Variants in PRKN observed in about 807,000 individuals in gnomAD.
The protein encoded by PRKN is E3 ubiquitin-protein ligase parkin.
Under a neutral mutation model 59.5 loss-of-function variants are expected in PRKN, and 56 were observed. That is an observed-to-expected ratio of 0.94 (90% confidence interval 0.76 to 1.18). PRKN has a LOEUF of 1.18. PRKN is among the 50% of genes most tolerant of loss of function. The probability of loss-of-function intolerance (pLI) is 0.00; values close to 1 mark genes in which losing one functional copy is unlikely to be tolerated. For missense variants in PRKN, 657 were observed against 596.4 expected (o/e 1.10, Z -1.06); for synonymous variants, 250 against 222.1 (o/e 1.13, Z -1.12).
intron 3 of PRKN, among the ~76,000 whole-genome samples, chr6:162,244,455 A>C (rs1779118047): frequency 6.6e-6 from 1 of 152,110 alleles, no homozygotes; most frequent in Non-Finnish European, 1.5e-5. Context: ...AAAATATATA[A>C]AAGGATTATA....
chr6:161,417,561 C>G lies in PRKN; in HGVS notation c.1084-30684G>C, dbSNP rs1787909049. Among the ~76,000 whole-genome samples the G allele has an allele frequency of 6.6e-6, 1 of 151,970 alleles. No individual in the cohort carries two copies. The highest frequency in any genetic ancestry group is 2.1e-4 in the South Asian group (1 of 4,818). ...TATAAATGTACCTTCTCCCATAACTCTGAGAATGGGGTTTGTGTCTTAGAA... is the reference window on the plus strand; with the variant it reads ...TATAAATGTACCTTCTCCCATAACTGTGAGAATGGGGTTTGTGTCTTAGAA... On this transcript the variant is annotated intron_variant, in intron 9 of 11. Transcript: ENST00000366898. The surrounding 1 kb of genome is among the most constrained non-coding windows in gnomAD (Gnocchi z 5.4).
chr6:162,390,931 A>C (rs1000760966), intron 2 of PRKN, among the ~76,000 whole-genome samples: 1 of 152,214 alleles, frequency 6.6e-6, no homozygotes. Context: ...AGTATAGATT[A>C]TTCTTAACGT....
chr6:161,694,820 T>C (rs997777060), intron 7 of PRKN, among the ~76,000 whole-genome samples: 1 of 152,090 alleles, frequency 6.6e-6, no homozygotes, highest in African/African-American at 2.4e-5. Context: ...CTCAGCTGAG[T>C]TGTGCTGTGT....
intron 1 of PRKN, among the ~76,000 whole-genome samples, chr6:162,615,166 A>C (rs1024206461): frequency 2.6e-5 from 4 of 152,180 alleles, no homozygotes; most frequent in Non-Finnish European, 5.9e-5. Flanking sequence ...TTGTCAGCCC[A>C]TATCAAAAAA....
chr6:162,454,938 T>C (rs1790797552), intron 1 of PRKN, among the ~76,000 whole-genome samples: 1 of 152,312 alleles, frequency 6.6e-6, no homozygotes, highest in South Asian at 2.1e-4. Flanking sequence ...AAGGTTGGCA[T>C]TAGGAACGAT....
chr6:161,655,866 GCACACACACACACACACATACACA>G (rs1166914909), intron 7 of PRKN, among the ~76,000 whole-genome samples: 11,277 of 136,444 alleles, frequency 0.083, 806 homozygotes, highest in African/African-American at 0.2. Context: ...CAACACACAT[GCACACACACACACACACATACACA>G]CACACACACA....
chr6:162,303,793 A>G (rs1345237156), intron 2 of PRKN, among the ~76,000 whole-genome samples: 1 of 152,162 alleles, frequency 6.6e-6, no homozygotes, highest in Non-Finnish European at 1.5e-5. Flanking sequence ...ACATTTGCTT[A>G]TCTTTAAGAA....
Position 161,960,134 on chromosome 6 carries a change from G to A in PRKN, c.734+13168C>T, listed in dbSNP as rs570390544. ...GAGGGCTGTGCTAACTTGGCTCCCCGCTTTGGTGCCACCACACTGGAAAAA... is the reference window on the plus strand; with the variant it reads ...GAGGGCTGTGCTAACTTGGCTCCCCACTTTGGTGCCACCACACTGGAAAAA... On this transcript the variant is annotated intron_variant, in intron 6 of 11. Coordinates refer to ENST00000366898, the MANE Select transcript of PRKN (RefSeq NM_004562.3). 2.2e-4 allele frequency among the ~76,000 whole-genome samples: 34 copies of A among 152,280 alleles called. 1 individual carries two copies. Among genetic ancestry groups the A allele is most frequent in the African/African-American group, 7.9e-4 (33 of 41,562 alleles).
intron 2 of PRKN, among the ~76,000 whole-genome samples, chr6:162,438,492 T>C (rs1250187651): frequency 7.5e-6 from 1 of 133,412 alleles, no homozygotes. Flanking sequence ...TCGCTTAGTT[T>C]TTCTTTATCT....
In PRKN at chr6:161,503,597, G is replaced by C. The variant is rs1051296301; in HGVS notation, c.1083+45257C>G. Among the ~76,000 whole-genome samples the C allele has an allele frequency of 6.6e-6, 1 of 152,156 alleles. No individual in the cohort carries two copies. The highest frequency in any genetic ancestry group is 1.5e-5 in the Non-Finnish European group (1 of 68,032). On this transcript the variant is annotated intron_variant, in intron 9 of 11. Transcript: ENST00000366898. The surrounding 1 kb of genome is among the most constrained non-coding windows in gnomAD (Gnocchi z 5.1). The stretch of plus-strand genomic sequence containing the variant: ...TGGAGGTGAGGGACTGGACTGAGGG[G>C]GCTATGGGGGCGACCTAGTCTAGCT...
intron 7 of PRKN, among the ~76,000 whole-genome samples, chr6:161,604,649 C>T (rs1583282455): frequency 6.6e-6 from 1 of 152,260 alleles, no homozygotes; most frequent in East Asian, 1.9e-4. Context: ...AAATCTGACA[C>T]ATTGGCAAGC....
At chr6:161,556,221 A>G (rs1384764358) in intron 8 of PRKN, among the ~76,000 whole-genome samples, 1 of 152,228 alleles carries the variant, frequency 6.6e-6, no homozygotes, top group Non-Finnish European at 1.5e-5. Flanking sequence ...GATAAACTCA[A>G]GAGCATTTGA....
rs1378265190 is a variant in PRKN, at chr6:161,484,800, G to A, written c.1083+64054C>T. 2.0e-5 allele frequency among the ~76,000 whole-genome samples: 3 copies of A among 152,062 alleles called. No homozygotes were observed. The highest frequency in any genetic ancestry group is 4.4e-5 in the Non-Finnish European group (3 of 68,006). Reference sequence around the variant, plus strand: ...CTCCAGACATGACCAAATATCCCCTGGGGACAAAATCGCTGGCAACTGAGC... The same window carrying A: ...CTCCAGACATGACCAAATATCCCCTAGGGACAAAATCGCTGGCAACTGAGC... On this transcript the variant is annotated intron_variant, in intron 9 of 11. Coordinates refer to ENST00000366898, the MANE Select transcript of PRKN (RefSeq NM_004562.3). This position sits in a 1 kb window ranked among gnomAD's most constrained non-coding sequence, Gnocchi z 4.9.
At chr6:161,597,947 G>A (rs967229702) in intron 7 of PRKN, among the ~76,000 whole-genome samples, 2 of 152,156 alleles carry the variant, frequency 1.3e-5, no homozygotes, top group African/African-American at 4.8e-5. Context: ...TTCTGTGTGT[G>A]CATTTTTCTT....
At chr6:162,095,410 C>T (rs1428821717) in intron 4 of PRKN, among the ~76,000 whole-genome samples, 9 of 152,076 alleles carry the variant, frequency 5.9e-5, no homozygotes, top group African/African-American at 1.9e-4. Context: ...AACTGGTTAG[C>T]TTTGAATTTG....
chr6:161,699,345 T>C (rs1267048394), intron 7 of PRKN, among the ~76,000 whole-genome samples: 1 of 152,148 alleles, frequency 6.6e-6, no homozygotes, highest in Admixed American at 6.6e-5. Flanking sequence ...CTCCTAAGTA[T>C]TTACCCAATA....
intron 1 of PRKN, among the ~76,000 whole-genome samples, chr6:162,679,183 T>G (rs1288065189): frequency 1.3e-5 from 2 of 151,700 alleles, no homozygotes; most frequent in Admixed American, 6.6e-5. Context: ...CACTGCAACC[T>G]CCACCTCCCG....
At chr6:162,439,792 T>C (rs1472842219) in intron 2 of PRKN, among the ~76,000 whole-genome samples, 2 of 143,594 alleles carry the variant, frequency 1.4e-5, no homozygotes, top group Non-Finnish European at 3.0e-5. Flanking sequence ...TTTGTAATGC[T>C]GTTAATGTTT....
intron 1 of PRKN, among the ~76,000 whole-genome samples, chr6:162,704,912 T>A (rs1778284949): frequency 6.6e-6 from 1 of 152,184 alleles, no homozygotes; most frequent in African/African-American, 2.4e-5. Context: ...TTAAACTAAG[T>A]CAAATAATTT....
Sources: gnomAD v4.1 joint callset for allele counts (sites outside exome capture counted in the v4.1 genomes callset) on GRCh38, gnomAD v4.1.1 for gene constraint, Gnocchi (gnomAD v3.1) non-coding constraint, MANE v1.5 for transcripts, NCBI Gene and HGNC (gene_info 2026-07-23, HGNC 2026-07-21) for gene names.